The following CYP26C1 variants were observed in gnomAD, a reference collection of about 807,000 sequenced individuals.
CYP26C1 encodes the protein cytochrome P450 family 26 subfamily C member 1, also known as cytochrome P450 26C1.
A neutral mutation model predicts 39.1 loss-of-function variants in CYP26C1; 41 were observed. The ratio of observed to expected loss-of-function variants is 1.05; its 90% CI spans 0.82 to 1.36. The LOEUF (loss-of-function observed/expected upper bound fraction) is 1.36, where lower values mean the gene tolerates loss of function less well. Among genes scored for constraint, CYP26C1 ranks in the 40% most tolerant of loss-of-function variants. The pLI is 0.00. For synonymous variants in CYP26C1, 362 were observed against 350.8 expected, an observed-to-expected ratio of 1.03 and a Z score of -0.36; for missense variants, 833 against 752.0, an observed-to-expected ratio of 1.11 and a Z score of -1.26.
chr10:93,064,554 G>T lies in CYP26C1; in HGVS notation c.861+18G>T, dbSNP rs779801810. On this transcript the variant is annotated intron_variant, in intron 4 of 5. Transcript: ENST00000651965. ...AGCTGAAGGTAGGTGCTGACAGGCC[G>T]CTCCTTCTCCCCTCTTTTGCATTCC... 32 of 1,603,504 alleles carry T rather than the reference G, an allele frequency of 2.0e-5. No individual in the cohort carries two copies. Among genetic ancestry groups the T allele is most frequent in the African/African-American group, 2.7e-5 (2 of 74,658 alleles).
intron 5 of CYP26C1, among the ~76,000 whole-genome samples, chr10:93,066,762 G>C (rs920191041): frequency 6.6e-6 from 1 of 152,172 alleles, no homozygotes; most frequent in Non-Finnish European, 1.5e-5. Flanking sequence ...CAGATTCCAG[G>C]GGAGGGGGGG....
intron 5 of CYP26C1, among the ~76,000 whole-genome samples, chr10:93,067,315 T>G (rs916018445): frequency 6.6e-6 from 1 of 152,236 alleles, no homozygotes; most frequent in East Asian, 1.9e-4. Context: ...AGCTGGAGTT[T>G]GAACTGGAGC....
Position 93,061,249 on chromosome 10 carries a change from C to T in CYP26C1, c.-15C>T. 6.4e-7 allele frequency: 1 copy of T among 1,554,608 alleles called. No homozygotes were observed. The highest frequency in any genetic ancestry group is 1.2e-5 in the South Asian group (1 of 84,738). On this transcript the variant is annotated 5_prime_UTR_variant, in exon 1 of 6. Coordinates refer to ENST00000651965, the MANE Select transcript of CYP26C1 (RefSeq NM_183374.3). ...CTCCCTGCGCTCTGAGCGGCCTGGC[C>T]CCCGCGGGCTCATCATGTTCCCTTG...
Position 93,066,280 on chromosome 10 carries a change from C to G in CYP26C1, c.1186C>G (p.Leu396Val), listed in dbSNP as rs372351121. ...CCGCACCGCCCTGCGCACCTTCGAG[C>G]TCGACGTAAGTGCGCCGTGCCAGCC... is the stretch of plus-strand genomic sequence containing the variant. Reference protein sequence around the residue: ...GYRTALRTFELDGYQIPKGWS... With the variant: ...GYRTALRTFEVDGYQIPKGWS... The change falls in exon 5 of 6, where the codon CTC becomes GTC. Residue 396 changes from leucine (L) to valine (V), a missense_variant. Transcript: ENST00000651965. The G allele has an allele frequency of 7.2e-7, 1 of 1,393,504 alleles. No individual in the cohort carries two copies. The highest frequency in any genetic ancestry group is 1.5e-5 in the African/African-American group (1 of 67,618). The allele number at this position is 1,393,504 out of a possible 1,614,324, so 86.3% of individuals were successfully genotyped here.
chr10:93,066,260 C>A lies in CYP26C1; in HGVS notation c.1166C>A (p.Thr389Asn). 1 of 1,443,266 alleles carries A rather than the reference C, an allele frequency of 6.9e-7. No homozygotes were observed. Among genetic ancestry groups the A allele is most frequent in the East Asian group, 2.8e-5 (1 of 36,302 alleles). 89.4% of individuals were successfully genotyped at this position (1,443,266 alleles called of 1,614,324 possible). A position where few individuals can be genotyped will look rare whatever the true frequency, so the allele number is the denominator to read the frequency against. ...LLPPVSGGYR[T>N]ALRTFELDGY... Reference sequence around the variant, plus strand: ...CCGCCAGTGTCCGGGGGCTACCGCACCGCCCTGCGCACCTTCGAGCTCGAC... The same window carrying A: ...CCGCCAGTGTCCGGGGGCTACCGCAACGCCCTGCGCACCTTCGAGCTCGAC... Residue 389 changes from threonine (T) to asparagine (N), a missense_variant, in exon 5 of 6, where the codon ACC becomes AAC. Physicochemically the swap from Thr to Asn is moderately conservative, Grantham distance 65 (BLOSUM62 0). Coordinates refer to ENST00000651965, the MANE Select transcript of CYP26C1 (RefSeq NM_183374.3).
chr10:93,061,330 G>A lies in CYP26C1; in HGVS notation c.67G>A (p.Gly23Ser). 1.3e-6 allele frequency: 2 copies of A among 1,593,448 alleles called. No homozygotes were observed. The highest frequency in any genetic ancestry group is 1.7e-6 in the Non-Finnish European group (2 of 1,170,914). Residue 23 changes from glycine (G) to serine (S), a missense_variant, in exon 1 of 6, where the codon GGC becomes AGC. Gly to Ser is a moderately conservative substitution (Grantham distance 56, BLOSUM62 0). Transcript: ENST00000651965. ...GGCGGGCACTGCTCTCCTGTGCGCG[G>A]GCCTGCTGCTCAGCCTGGCCCAGCA... ...GAAGTALLCA[G>S]LLLSLAQHLW...
chr10:93,066,031 C>A lies in CYP26C1; in HGVS notation c.937C>A (p.Leu313Met). 6.4e-7 allele frequency: 1 copy of A among 1,552,078 alleles called. No individual in the cohort carries two copies. Among genetic ancestry groups the A allele is most frequent in the Non-Finnish European group, 8.7e-7 (1 of 1,153,154 alleles). ...CAGCACCTCGCTCGTCCTGCTGCTA[C>A]TGCAGCATCCGGCGGCCATCGCCAA... ...SASTSLVLLLLQHPAAIAKIR... is the reference protein window; with the variant it reads ...SASTSLVLLLMQHPAAIAKIR... The change falls in exon 5 of 6, where the codon CTG (leucine) becomes ATG (methionine). Residue 313 changes from leucine (L) to methionine (M), a missense_variant. Coordinates refer to ENST00000651965, the MANE Select transcript of CYP26C1 (RefSeq NM_183374.3).
Position 93,069,490 on chromosome 10 carries a change from T to C in CYP26C1, c.*793T>C, listed in dbSNP as rs1846869461. The stretch of plus-strand genomic sequence containing the variant: ...ACATAATTAGAGAGGTTTGAGATAT[T>C]TGTACCAAAAATAGGAAGGCCAAGA... On this transcript the variant is annotated 3_prime_UTR_variant, in exon 6 of 6. Transcript: ENST00000651965. 1 of 152,240 alleles carries C rather than the reference T, an allele frequency of 6.6e-6. No individual in the cohort carries two copies. The highest frequency in any genetic ancestry group is 2.4e-5 in the African/African-American group (1 of 41,448). The allele number at this position is 152,240 out of a possible 1,614,324, so 9.4% of individuals were successfully genotyped here.
At position 93,062,075 on chromosome 10, in the gene CYP26C1, C is replaced by CT. The variant is rs1846757069; in HGVS notation, c.270_271insT (p.Arg91Ter). 1.9e-6 allele frequency: 3 copies of CT among 1,580,156 alleles called. No homozygotes were observed. The highest frequency in any genetic ancestry group is 1.7e-6 in the Non-Finnish European group (2 of 1,164,038). ...CAGTGTTCAAGACGCACCTGCTGGG[C>CT]AGGCCAGTGATCCGCGTGAGCGGCG... On this transcript the variant is annotated frameshift_variant, in exon 2 of 6. Coordinates refer to ENST00000651965, the MANE Select transcript of CYP26C1 (RefSeq NM_183374.3). LOFTEE classifies it high-confidence loss of function.
rs748776005 is a variant in CYP26C1, at chr10:93,061,503, C to T, written c.204+36C>T. ...CTTCGACCCCGAGCGCTAATACGGT[C>T]CCTTCTTCCCCCGGCTCCCACTGGA... On this transcript the variant is annotated intron_variant, in intron 1 of 5. Coordinates refer to ENST00000651965, the MANE Select transcript of CYP26C1 (RefSeq NM_183374.3). 8.2e-5 allele frequency: 126 copies of T among 1,545,874 alleles called. 2 individuals are homozygous for T. Among genetic ancestry groups the T allele is most frequent in the African/African-American group, 5.5e-5 (4 of 72,894 alleles).
At chr10:93,063,530 A>G (rs1846779059) in intron 3 of CYP26C1, 2 of 985,744 alleles carry the variant, frequency 2.0e-6, no homozygotes, top group Admixed American at 6.1e-5. Flanking sequence ...AGACTTCAGA[A>G]CAATGGGCAG....
In CYP26C1 at chr10:93,060,942, C is replaced by T. The variant is rs1846737359; in HGVS notation, c.-322C>T. On this transcript the variant is annotated 5_prime_UTR_variant, in exon 1 of 6. Transcript: ENST00000651965. ...CCGGGAGGAGGTGGGAGGTGCCCCG[C>T]GGAGCCGGGAGTGAGCGTTCCCGAG... 1 of 383,922 alleles carries T rather than the reference C, an allele frequency of 2.6e-6. No individual in the cohort carries two copies. Among genetic ancestry groups the T allele is most frequent in the Non-Finnish European group, 4.7e-6 (1 of 214,918 alleles). 23.8% of individuals were successfully genotyped at this position (383,922 alleles called of 1,614,324 possible). A position where few individuals can be genotyped will look rare whatever the true frequency, so the allele number is the denominator to read the frequency against.
At chr10:93,067,416 C>A (rs1009022678) in intron 5 of CYP26C1, among the ~76,000 whole-genome samples, 12 of 152,210 alleles carry the variant, frequency 7.9e-5, no homozygotes, top group African/African-American at 2.9e-4. Flanking sequence ...CGGAATCAGT[C>A]TTGGAATGCA....
chr10:93,063,179 T>A, intron 3 of CYP26C1, 184 bp downstream of exon 3: 2 of 1,357,082 alleles, frequency 1.5e-6, no homozygotes, highest in African/African-American at 3.1e-5. Context: ...GCCTGGCCTC[T>A]GTGCTGGTTC....
rs1273118790 is a variant in CYP26C1, at chr10:93,068,585, C to T, written c.1457C>T (p.Thr486Ile). 1.3e-6 allele frequency: 2 copies of T among 1,594,664 alleles called. No individual in the cohort carries two copies. Among genetic ancestry groups the T allele is most frequent in the African/African-American group, 1.3e-5 (1 of 74,940 alleles). Reference sequence around the variant, plus strand: ...CGCACCGCGCGCTGGGAACTGGCCACACCCGCCTTCCCCGCCATGCAGACG... The same window carrying T: ...CGCACCGCGCGCTGGGAACTGGCCATACCCGCCTTCCCCGCCATGCAGACG... ...LVRTARWELA[T>I]PAFPAMQTVP... The change falls in exon 6 of 6, where the codon ACA becomes ATA. Residue 486 changes from threonine to isoleucine, a missense_variant. By Grantham distance (89) the Thr-to-Ile change is moderately conservative. Transcript: ENST00000651965.
At chr10:93,066,423 C>T in intron 5 of CYP26C1, 138 bp downstream of exon 5, 1 of 821,772 alleles carries the variant, frequency 1.2e-6, no homozygotes, top group Non-Finnish European at 1.6e-6. Flanking sequence ...CTTTTGCCCT[C>T]AGAGCCTCAG....
chr10:93,066,136 C>A lies in CYP26C1; in HGVS notation c.1042C>A (p.Pro348Thr). Reference sequence around the variant, plus strand: ...CGGGGCCGCTGGGGGCAGCGAGGGGCCCCCGCCCGACTGCGGCTGCGAGCC... The same window carrying A: ...CGGGGCCGCTGGGGGCAGCGAGGGGACCCCGCCCGACTGCGGCTGCGAGCC... Reference protein sequence around the residue: ...APGAAGGSEGPPPDCGCEPDL... With the variant: ...APGAAGGSEGTPPDCGCEPDL... Residue 348 changes from proline (P) to threonine (T), a missense_variant, in exon 5 of 6, where the codon CCC becomes ACC. Pro to Thr is a conservative substitution (Grantham distance 38). Transcript: ENST00000651965. 7.4e-7 allele frequency: 1 copy of A among 1,351,206 alleles called. No homozygotes were observed. The highest frequency in any genetic ancestry group is 1.5e-5 in the African/African-American group (1 of 66,730). 83.7% of individuals were successfully genotyped at this position (1,351,206 alleles called of 1,614,324 possible).
intron 3 of CYP26C1, chr10:93,063,248 C>T: frequency 8.1e-7 from 1 of 1,230,450 alleles, no homozygotes; most frequent in South Asian, 3.6e-5. Flanking sequence ...CCGCGACGCG[C>T]TCCAGCCTGA....
At chr10:93,061,980 C>A in intron 1 of CYP26C1, 30 bp from the exon 2 acceptor site, 2 of 1,543,282 alleles carry the variant, frequency 1.3e-6, no homozygotes, top group South Asian at 2.4e-5. Flanking sequence ...CCCAGAAGTT[C>A]CAGCTCTCCA....
Sources: gnomAD v4.1 joint callset for allele counts (sites outside exome capture counted in the v4.1 genomes callset) on GRCh38, gnomAD v4.1.1 for gene constraint, MANE v1.5 for transcripts, NCBI Gene and HGNC (gene_info 2026-07-23, HGNC 2026-07-21) for gene names.